Variants in PRKAG2 observed in about 807,000 individuals in gnomAD.
The protein encoded by PRKAG2 is protein kinase AMP-activated non-catalytic subunit gamma 2.
In PRKAG2, 26 loss-of-function variants were observed where a neutral mutation model predicts 69.6. The observed-to-expected ratio is 0.37, with a 90% confidence interval of 0.27 to 0.52. PRKAG2 has a LOEUF of 0.52. Among genes scored for constraint, PRKAG2 ranks in the 20% least tolerant of loss-of-function variants. The pLI, the probability that PRKAG2 is intolerant of heterozygous loss-of-function variation, is 0.90. For synonymous variants in PRKAG2, 293 were observed against 285.0 expected, an observed-to-expected ratio of 1.03 and a Z score of -0.28; for missense variants, 557 against 740.0, an observed-to-expected ratio of 0.75 and a Z score of 2.87.
In PRKAG2 at chr7:151,748,808, C is replaced by T. The variant is rs57035581; in HGVS notation, c.466+32344G>A. On this transcript the variant is annotated intron_variant, in intron 3 of 15. Transcript: ENST00000287878. ...GGTTGCAAAACTCCGTCATCAGCAG[C>T]GGCAAGGAGGAAAGAACATCCGTGC... 4.6e-3 allele frequency among the ~76,000 whole-genome samples: 705 copies of T among 152,350 alleles called. 4 individuals are homozygous for T. The highest frequency in any genetic ancestry group is 0.045 in the East Asian group (234 of 5,188).
intron 4 of PRKAG2, among the ~76,000 whole-genome samples, chr7:151,641,145 C>T (rs1381187915): frequency 6.6e-6 from 1 of 151,808 alleles, no homozygotes; most frequent in Non-Finnish European, 1.5e-5. Context: ...GACCAAAGTT[C>T]GCTGGCAGTA....
rs2078868520 is a variant in PRKAG2 at position 151,824,727 on chromosome 7, C to G, written c.115-38186G>C. ...AACAGGACACAAAGCAGAGCCCCAG[C>G]TGTCGGTGATGCATGTACAGCAGTA... On this transcript the variant is annotated intron_variant, in intron 1 of 15. Transcript: ENST00000287878. 2.6e-5 allele frequency among the ~76,000 whole-genome samples: 4 copies of G among 152,232 alleles called. No individual in the cohort carries two copies. In the South Asian group the frequency reaches 8.3e-4, roughly 32 times the overall value.
chr7:151,624,438 C>T (rs1240054038), intron 5 of PRKAG2, among the ~76,000 whole-genome samples: 10 of 152,090 alleles, frequency 6.6e-5, no homozygotes, highest in Non-Finnish European at 1.2e-4. Context: ...GGGTGAGCCA[C>T]AGCACCCGGC....
In PRKAG2 at chr7:151,788,766, T is replaced by G. The variant is rs748989020; in HGVS notation, c.115-2225A>C. ...TCCCGTATGTTTTCTTCTAAGAGTT[T>G]TATATTTTATGGTTTTAGCTCTTAT... On this transcript the variant is annotated intron_variant, in intron 1 of 15. Transcript: ENST00000287878. The surrounding 1 kb of genome is among the most constrained non-coding windows in gnomAD (Gnocchi z 4.6). 2.0e-5 allele frequency among the ~76,000 whole-genome samples: 3 copies of G among 152,236 alleles called. No individual in the cohort carries two copies. Among genetic ancestry groups the G allele is most frequent in the Non-Finnish European group, 4.4e-5 (3 of 68,038 alleles).
intron 1 of PRKAG2, among the ~76,000 whole-genome samples, chr7:151,822,705 A>C (rs1242591200): frequency 6.6e-6 from 1 of 152,074 alleles, no homozygotes; most frequent in Non-Finnish European, 1.5e-5. Flanking sequence ...CCAAGCTCTG[A>C]CAGACACGCT....
At position 151,807,289 on chromosome 7, in the gene PRKAG2, G is replaced by A. The variant is rs1223480192; in HGVS notation, c.115-20748C>T. On this transcript the variant is annotated intron_variant, in intron 1 of 15. Transcript: ENST00000287878. The surrounding 1 kb of genome is among the most constrained non-coding windows in gnomAD (Gnocchi z 4.4). ...GCCACCAGCAGACCCATGGGATAGG[G>A]GAAGAAAAACAAGCAATCTACAGAA... The A allele has an allele frequency of 2.5e-6, 1 of 403,150 alleles. No homozygotes were observed. The highest frequency in any genetic ancestry group is 5.1e-6 in the Non-Finnish European group (1 of 197,318). The allele number at this position is 403,150 out of a possible 1,614,324, so 25.0% of individuals were successfully genotyped here. A position where few individuals can be genotyped will look rare whatever the true frequency, so the allele number is the denominator to read the frequency against.
At chr7:151,716,539 T>C (rs981558549) in intron 3 of PRKAG2, among the ~76,000 whole-genome samples, 1 of 152,196 alleles carries the variant, frequency 6.6e-6, no homozygotes, top group Non-Finnish European at 1.5e-5. Context: ...CTTGTTCCCA[T>C]GCTTGACACG....
Position 151,614,338 on chromosome 7 carries a change from G to A in PRKAG2, c.754+17731C>T, listed in dbSNP as rs1819576999. On this transcript the variant is annotated intron_variant, in intron 5 of 15. Coordinates refer to ENST00000287878, the MANE Select transcript of PRKAG2 (RefSeq NM_016203.4). The surrounding 1 kb of genome is among the most constrained non-coding windows in gnomAD (Gnocchi z 4.4). ...GGGGGAGCAGCAGCAGGGTGGCAGG[G>A]AGGCCATGGGGTCGGTTACGTTGGG... Among the ~76,000 whole-genome samples, 1 of 152,134 alleles carries A rather than the reference G, an allele frequency of 6.6e-6. No homozygotes were observed. The highest frequency in any genetic ancestry group is 2.1e-4 in the South Asian group (1 of 4,830).
chr7:151,654,254 A>C (rs1282956506), intron 4 of PRKAG2, among the ~76,000 whole-genome samples: 1 of 152,186 alleles, frequency 6.6e-6, no homozygotes, highest in Admixed American at 6.5e-5. Flanking sequence ...GTGAAGGATG[A>C]GGACGAGGCT....
chr7:151,627,267 G>A (rs941588732), intron 5 of PRKAG2, among the ~76,000 whole-genome samples: 3 of 152,198 alleles, frequency 2.0e-5, no homozygotes, highest in East Asian at 1.9e-4. Flanking sequence ...TCCCTCCTAC[G>A]AAAAGTGGCC....
intron 1 of PRKAG2, among the ~76,000 whole-genome samples, chr7:151,805,023 G>A (rs963359732): frequency 7.2e-5 from 11 of 152,220 alleles, no homozygotes; most frequent in Non-Finnish European, 1.3e-4. Context: ...GTAGCCCACA[G>A]GACAGCCACT....
At chr7:151,731,371 C>T (rs1438733250) in intron 3 of PRKAG2, among the ~76,000 whole-genome samples, 1 of 152,238 alleles carries the variant, frequency 6.6e-6, no homozygotes, top group African/African-American at 2.4e-5. Context: ...TGAGTCAGAG[C>T]TTCCAGGGGG....
chr7:151,706,639 T>C (rs1485140081), intron 3 of PRKAG2, among the ~76,000 whole-genome samples: 1 of 152,248 alleles, frequency 6.6e-6, no homozygotes, highest in Non-Finnish European at 1.5e-5. Context: ...TTATAGAATT[T>C]CAAGCTGAAA....
At chr7:151,813,551 G>A (rs192395574) in intron 1 of PRKAG2, among the ~76,000 whole-genome samples, 1 of 151,614 alleles carries the variant, frequency 6.6e-6, no homozygotes, top group East Asian at 1.9e-4. Context: ...TCACAGAAGG[G>A]CGACAAGAGG....
intron 3 of PRKAG2, among the ~76,000 whole-genome samples, chr7:151,772,514 A>G (rs2076066756): frequency 6.6e-6 from 1 of 152,254 alleles, no homozygotes; most frequent in Non-Finnish European, 1.5e-5. Context: ...CAAAGCTCTG[A>G]GAATCAAGCC....
At chr7:151,827,944 G>T (rs372181585) in intron 1 of PRKAG2, among the ~76,000 whole-genome samples, 1 of 152,040 alleles carries the variant, frequency 6.6e-6, no homozygotes, top group East Asian at 1.9e-4. Context: ...AGATGCCATG[G>T]GCTCCCCATC....
chr7:151,861,811 G>A (rs1239624390), intron 1 of PRKAG2, among the ~76,000 whole-genome samples: 1 of 152,024 alleles, frequency 6.6e-6, no homozygotes, highest in Non-Finnish European at 1.5e-5. Context: ...TTGTGCCAGT[G>A]AACTGCCCAA....
At chr7:151,844,984 G>C in intron 1 of PRKAG2, among the ~76,000 whole-genome samples, 1 of 152,090 alleles carries the variant, frequency 6.6e-6, no homozygotes, top group East Asian at 1.9e-4. Flanking sequence ...CCTCTTCTCG[G>C]TGCTGTTGAA....
chr7:151,556,612 C>A lies in PRKAG2; in HGVS notation c.*589G>T, dbSNP rs891515640. 1 of 152,424 alleles carries A rather than the reference C, an allele frequency of 6.6e-6. No individual in the cohort carries two copies. The highest frequency in any genetic ancestry group is 2.4e-5 in the African/African-American group (1 of 41,452). The allele number at this position is 152,424 out of a possible 1,614,324, so 9.4% of individuals were successfully genotyped here. On this transcript the variant is annotated 3_prime_UTR_variant, in exon 16 of 16. Transcript: ENST00000287878. ...TGCATGAAAGTAAAAATAAATAAAG[C>A]TGTTGTAAAGCAGCCTCGTTGACAC...
Sources: allele counts gnomAD v4.1 joint callset (sites outside exome capture counted in the v4.1 genomes callset), GRCh38; gene constraint gnomAD v4.1.1; non-coding constraint Gnocchi (gnomAD v3.1); transcripts MANE v1.5; gene names NCBI Gene and HGNC (gene_info 2026-07-23, HGNC 2026-07-21).